The following ICAM3 variants were observed in gnomAD, a reference collection of about 807,000 sequenced individuals.
ICAM3 encodes ICAM-3.
A neutral mutation model predicts 43.6 loss-of-function variants in ICAM3; 54 were observed. That is an observed-to-expected ratio of 1.24 (90% CI 0.99 to 1.55). The LOEUF (loss-of-function observed/expected upper bound fraction) is 1.55. ICAM3 is among the 40% of genes most tolerant of loss of function. The pLI, the probability that ICAM3 is intolerant of heterozygous loss-of-function variation, is 0.00. For synonymous variants in ICAM3, 306 were observed against 312.6 expected (o/e 0.98, Z 0.22); for missense variants, 715 against 717.9 (o/e 1.00, Z 0.05).
At chr19:10,337,416 CAA>C (rs1227458863) in intron 2 of ICAM3, among the ~76,000 whole-genome samples, 8 of 74,216 alleles carry the variant, frequency 1.1e-4, no homozygotes, top group Non-Finnish European at 1.6e-4. Context: ...GACTCTGTCT[CAA>C]AAAAAAAAAA....
rs1355432290 is a variant in ICAM3, at chr19:10,335,817, T to A, written c.503A>T (p.Glu168Val). ...AGTGGCAGTGACCTCCGCTGGCTCCTCCACTGCGGGCTGCCGGCTCAGCTC... is the reference window on the plus strand; with the variant it reads ...AGTGGCAGTGACCTCCGCTGGCTCCACCACTGCGGGCTGCCGGCTCAGCTC... Reference protein sequence around the residue: ...EEELSRQPAVEEPAEVTATVL... With the variant: ...EEELSRQPAVVEPAEVTATVL... The change falls in exon 3 of 7, where the codon GAG becomes GTG. Residue 168 changes from glutamate to valine, a missense_variant. Physicochemically the swap from Glu to Val is moderately radical, Grantham distance 121. Coordinates refer to ENST00000160262, the MANE Select transcript of ICAM3 (RefSeq NM_002162.5). The A allele has an allele frequency of 6.2e-7, 1 of 1,612,482 alleles. No homozygotes were observed. Among genetic ancestry groups the A allele is most frequent in the East Asian group, 2.2e-5 (1 of 44,864 alleles).
chr19:10,334,850 G>C lies in ICAM3; in HGVS notation c.938-68C>G, dbSNP rs1328944127. 1 of 1,503,280 alleles carries C rather than the reference G, an allele frequency of 6.7e-7. No homozygotes were observed. Among genetic ancestry groups the C allele is most frequent in the Admixed American group, 2.2e-5 (1 of 46,002 alleles). 93.1% of individuals were successfully genotyped at this position (1,503,280 alleles called of 1,614,324 possible). On this transcript the variant is annotated intron_variant, in intron 4 of 6. Coordinates refer to ENST00000160262, the MANE Select transcript of ICAM3 (RefSeq NM_002162.5). This position sits in a 1 kb window ranked among gnomAD's most constrained non-coding sequence, Gnocchi z 5.5. ...TCCTGTGGGTCAAGCCGCTCCCTCC[G>C]CCCTCCCCTTTCCTCTCGGGATATC... is the stretch of plus-strand genomic sequence containing the variant.
At chr19:10,335,432 A>G in intron 3 of ICAM3, 79 bp from the exon 4 acceptor site, 1 of 1,347,928 alleles carries the variant, frequency 7.4e-7, no homozygotes, top group Admixed American at 2.4e-5. Context: ...CAGTCAGGAT[A>G]TCTTGCTGAC....
At position 10,335,243 on chromosome 19, in the gene ICAM3, C is replaced by T; in HGVS notation, c.760G>A (p.Val254Ile). The T allele has an allele frequency of 6.2e-7, 1 of 1,613,800 alleles. No individual in the cohort carries two copies. The highest frequency in any genetic ancestry group is 8.5e-7 in the Non-Finnish European group (1 of 1,180,024). ...ATCTGGTCCCCCAGCGCCAGGTAGA[C>T]CTGGGCCTCTGAGGCTGGAAAAAGC... ...DGLFPASEAQ[V>I]YLALGDQMLN... The change falls in exon 4 of 7, where the codon GTC (valine) becomes ATC (isoleucine). Residue 254 changes from valine (V) to isoleucine (I), a missense_variant. By Grantham distance (29) the Val-to-Ile change is conservative. Transcript: ENST00000160262.
At chr19:10,336,037 G>T in intron 2 of ICAM3, 61 bp from the exon 3 acceptor site, 3 of 1,403,256 alleles carry the variant, frequency 2.1e-6, no homozygotes, top group Non-Finnish European at 2.9e-6. Context: ...CTCACCCCAG[G>T]GACTGGGGAG....
Position 10,335,065 on chromosome 19 carries a change from C to A in ICAM3, c.937+1G>T. 3 of 1,611,768 alleles carry A rather than the reference C, an allele frequency of 1.9e-6. No homozygotes were observed. Among genetic ancestry groups the A allele is most frequent in the Non-Finnish European group, 2.5e-6 (3 of 1,178,694 alleles). ...CGCCCCCTTCCCACGCCTCCTCTTACTAAAGACCGTCAAGTTCTCCCGGGC... is the reference window on the plus strand; with the variant it reads ...CGCCCCCTTCCCACGCCTCCTCTTAATAAAGACCGTCAAGTTCTCCCGGGC... On this transcript the variant is annotated splice_donor_variant, in intron 4 of 6. Transcript: ENST00000160262. LOFTEE classifies it high-confidence loss of function.
At position 10,334,972 on chromosome 19, in the gene ICAM3, G is replaced by T; in HGVS notation, c.937+94C>A. 1 of 1,516,484 alleles carries T rather than the reference G, an allele frequency of 6.6e-7. No individual in the cohort carries two copies. 93.9% of individuals were successfully genotyped at this position (1,516,484 alleles called of 1,614,324 possible). On this transcript the variant is annotated intron_variant, in intron 4 of 6. Coordinates refer to ENST00000160262, the MANE Select transcript of ICAM3 (RefSeq NM_002162.5). The surrounding 1 kb of genome is among the most constrained non-coding windows in gnomAD (Gnocchi z 5.5). ...AACCCACGTTGCAACTGCTATTGGG[G>T]CAAGCCAGGCCCCACCTTTTCGGCT...
Position 10,339,555 on chromosome 19 carries a change from G to C in ICAM3, c.60C>G (p.Cys20Trp), listed in dbSNP as rs1363803075. ...TGGTCTCACCTGGGGTCAGCAGACA[G>C]CAGACCAGCAGAGTCCAGCAGGCCC... ...WPRACWTLLV[C>W]CLLTPGVQGQ... Residue 20 changes from cysteine to tryptophan, a missense_variant, in exon 1 of 7, where the codon TGC (cysteine) becomes TGG (tryptophan). Cys to Trp is a radical substitution (Grantham distance 215, BLOSUM62 -2). Coordinates refer to ENST00000160262, the MANE Select transcript of ICAM3 (RefSeq NM_002162.5). The C allele has an allele frequency of 6.2e-7, 1 of 1,613,890 alleles. No individual in the cohort carries two copies.
At chr19:10,337,480 G>A (rs978580415) in intron 2 of ICAM3, among the ~76,000 whole-genome samples, 1 of 130,350 alleles carries the variant, frequency 7.7e-6, no homozygotes, top group Non-Finnish European at 1.7e-5. Context: ...CCCAGCTACT[G>A]GAGAGACTGA....
chr19:10,336,528 G>A (rs1487878960), intron 2 of ICAM3, among the ~76,000 whole-genome samples: 2 of 151,898 alleles, frequency 1.3e-5, no homozygotes, highest in African/African-American at 4.8e-5. Context: ...GCCTCAGGCC[G>A]GGCACTGTGG....
chr19:10,335,398 T>A, intron 3 of ICAM3, 45 bp from the exon 4 acceptor site: 1 of 1,490,802 alleles, frequency 6.7e-7, no homozygotes, highest in Non-Finnish European at 9.0e-7. Flanking sequence ...GACTGTGCCT[T>A]CCCCAGGACA....
Position 10,338,964 on chromosome 19 carries a change from G to T in ICAM3, c.77-16C>A, listed in dbSNP as rs1398583064. The T allele has an allele frequency of 6.2e-7, 1 of 1,611,312 alleles. No individual in the cohort carries two copies. Among genetic ancestry groups the T allele is most frequent in the Admixed American group, 1.7e-5 (1 of 59,806 alleles). ...CCCTGGACACCTTCAGGAACATGAAGAAGTCCTGGTGTTTGTTTCCTTGTC... is the reference window on the plus strand; with the variant it reads ...CCCTGGACACCTTCAGGAACATGAATAAGTCCTGGTGTTTGTTTCCTTGTC... On this transcript the variant is annotated splice_polypyrimidine_tract_variant and intron_variant, in intron 1 of 6. Coordinates refer to ENST00000160262, the MANE Select transcript of ICAM3 (RefSeq NM_002162.5).
In ICAM3 at chr19:10,334,826, C is replaced by G. The variant is rs2040569526; in HGVS notation, c.938-44G>C. ...CCAGGAGCTTAATGAACAGGACCTT[C>G]CTGTGGGTCAAGCCGCTCCCTCCGC... On this transcript the variant is annotated intron_variant, in intron 4 of 6. Transcript: ENST00000160262. This position sits in a 1 kb window ranked among gnomAD's most constrained non-coding sequence, Gnocchi z 5.5. 6.5e-7 allele frequency: 1 copy of G among 1,532,748 alleles called. No individual in the cohort carries two copies. The highest frequency in any genetic ancestry group is 8.8e-7 in the Non-Finnish European group (1 of 1,140,124). 94.9% of individuals were successfully genotyped at this position (1,532,748 alleles called of 1,614,324 possible).
chr19:10,335,856 A>G lies in ICAM3; in HGVS notation c.464T>C (p.Leu155Pro), dbSNP rs756058799. The G allele has an allele frequency of 1.2e-6, 2 of 1,610,634 alleles. No homozygotes were observed. The highest frequency in any genetic ancestry group is 3.3e-5 in the Admixed American group (2 of 59,824). The change falls in exon 3 of 7, where the codon CTT (leucine) becomes CCT (proline). Residue 155 changes from leucine (L) to proline (P), a missense_variant. Transcript: ENST00000160262. Reference sequence around the variant, plus strand: ...CCGGCTCAGCTCCTCCTCCCAGCGAAGCAGCACCACCGTGAGGCTGGTCCG... The same window carrying G: ...CCGGCTCAGCTCCTCCTCCCAGCGAGGCAGCACCACCGTGAGGCTGGTCCG... ...SPRTSLTVVLLRWEEELSRQP... is the reference protein window; with the variant it reads ...SPRTSLTVVLPRWEEELSRQP...
intron 1 of ICAM3, chr19:10,339,198 G>A (rs1026962393): frequency 1.7e-5 from 10 of 589,854 alleles, no homozygotes; most frequent in South Asian, 4.2e-5. Flanking sequence ...ATTGCAGCCC[G>A]AAACTGAAGG....
chr19:10,338,642 C>T, intron 2 of ICAM3, 40 bp downstream of exon 2: 1 of 1,603,388 alleles, frequency 6.2e-7, no homozygotes. Flanking sequence ...GCCCACACCA[C>T]TACCCAAGAC....
At position 10,338,720 on chromosome 19, in the gene ICAM3, C is replaced by T; in HGVS notation, c.305G>A (p.Gly102Asp). ...SRILCSVYCN[G>D]SQITGSSNIT... ...GTTAGAGGAGCCTGTTATCTGAGAGCCATTGCAGTACACTGAGCAGAGGAT... is the reference window on the plus strand; with the variant it reads ...GTTAGAGGAGCCTGTTATCTGAGAGTCATTGCAGTACACTGAGCAGAGGAT... Residue 102 changes from glycine (G) to aspartate (D), a missense_variant, in exon 2 of 7, where the codon GGC becomes GAC. Physicochemically the swap from Gly to Asp is moderately conservative, Grantham distance 94. Coordinates refer to ENST00000160262, the MANE Select transcript of ICAM3 (RefSeq NM_002162.5). 2 of 1,614,138 alleles carry T rather than the reference C, an allele frequency of 1.2e-6. No individual in the cohort carries two copies. The highest frequency in any genetic ancestry group is 1.7e-6 in the Non-Finnish European group (2 of 1,180,010).
In ICAM3 at chr19:10,334,239, T is replaced by G. The variant is rs1599309451; in HGVS notation, c.1362A>C (p.Val454=). 1.2e-6 allele frequency: 2 copies of G among 1,614,162 alleles called. No individual in the cohort carries two copies. Among genetic ancestry groups the G allele is most frequent in the East Asian group, 4.5e-5 (2 of 44,886 alleles). The change falls in exon 6 of 7, where the codon GTA becomes GTC. Residue 454 remains valine, a synonymous_variant. Coordinates refer to ENST00000160262, the MANE Select transcript of ICAM3 (RefSeq NM_002162.5). This position sits in a 1 kb window ranked among gnomAD's most constrained non-coding sequence, Gnocchi z 5.5. ...VPVGIPFFVN[V]THNGTYQCQA... is the part of the protein sequence containing the mutation. ...GGCACTGATAAGTACCATTATGTGT[T>G]ACGTTGACGAAGAACGGGATCCCCA... is the stretch of plus-strand genomic sequence containing the variant.
In ICAM3 at chr19:10,335,105, C is replaced by A. The variant is rs1363882228; in HGVS notation, c.898G>T (p.Gly300Cys). The change falls in exon 4 of 7, where the codon GGC becomes TGC. Residue 300 changes from glycine (G) to cysteine (C), a missense_variant. By Grantham distance (159) the Gly-to-Cys change is radical (BLOSUM62 -3). Transcript: ENST00000160262. The stretch of plus-strand genomic sequence containing the variant: ...TTCTCCCGGGCCTCCCGTCTCTCGC[C>A]CCCTAGGGTCACGTTGCAGACGATC... ...REIVCNVTLG[G>C]ERREARENLT... 3 of 1,613,564 alleles carry A rather than the reference C, an allele frequency of 1.9e-6. No individual in the cohort carries two copies. In the African/African-American group the frequency reaches 4.0e-5, roughly 22 times the overall value.
Sources: allele counts gnomAD v4.1 joint callset (sites outside exome capture counted in the v4.1 genomes callset), GRCh38; gene constraint gnomAD v4.1.1; non-coding constraint Gnocchi (gnomAD v3.1); transcripts MANE v1.5; gene names NCBI Gene and HGNC (gene_info 2026-07-23, HGNC 2026-07-21).